DAB1: variants seen among roughly 807,000 people sequenced by gnomAD.
DAB1 encodes disabled homolog 1.
In DAB1, 15 loss-of-function variants were observed where a neutral mutation model predicts 64.6. That is an observed-to-expected ratio of 0.23 (90% CI 0.16 to 0.36). The LOEUF is 0.36. Among genes scored for constraint, DAB1 ranks in the 10% least tolerant of loss-of-function variants. DAB1 has a pLI of 1.00. For missense variants in DAB1, 596 were observed against 706.7 expected (o/e 0.84, Z 1.78); for synonymous variants, 235 against 251.9 (o/e 0.93, Z 0.64).
At chr1:57,081,839 T>C (rs1027046822) in intron 4 of DAB1, among the ~76,000 whole-genome samples, 5 of 152,160 alleles carry the variant, frequency 3.3e-5, no homozygotes, top group African/African-American at 1.2e-4. Flanking sequence ...TTTGGTTATA[T>C]ATTAAGATAA....
At chr1:57,801,803 A>T (rs1190202775) in intron 6 of DAB1, among the ~76,000 whole-genome samples, 3 of 152,054 alleles carry the variant, frequency 2.0e-5, no homozygotes, top group Non-Finnish European at 1.5e-5. Context: ...GACTACAGGC[A>T]CGTGCCACCA....
intron 1 of DAB1, chr1:57,866,184 C>G (rs560067913): frequency 6.6e-6 from 1 of 152,102 alleles, no homozygotes. Flanking sequence ...AATGCAATAA[C>G]GTATACAAAA....
chr1:57,180,765 C>T (rs1662833323), intron 2 of DAB1, among the ~76,000 whole-genome samples: 1 of 152,130 alleles, frequency 6.6e-6, no homozygotes, highest in Admixed American at 6.6e-5. Flanking sequence ...CAAAAGCTGG[C>T]CCTACTCTCT....
chr1:58,275,769 T>A (rs1400518332), intron 4 of DAB1, among the ~76,000 whole-genome samples: 1 of 152,192 alleles, frequency 6.6e-6, no homozygotes, highest in East Asian at 1.9e-4. Context: ...GTATGGTGGT[T>A]CCTCAAAAGT....
In DAB1 at chr1:58,439,388, A is replaced by G. The variant is rs568552902; in HGVS notation, n.257+66672T>C. Among the ~76,000 whole-genome samples the G allele has an allele frequency of 2.0e-5, 3 of 152,276 alleles. No homozygotes were observed. The South Asian group carries it at 6.2e-4, about 32-fold the overall frequency. The stretch of plus-strand genomic sequence containing the variant: ...TTGTTCATCTCCCTTCAGTAAAGAA[A>G]CATTTATTGGAGGAACATGCTCAAG... On this transcript the variant is annotated intron_variant and non_coding_transcript_variant, in intron 3 of 20. Coordinates refer to the DAB1 transcript ENST00000485760.
chr1:58,104,045 T>A (rs1447967889), intron 5 of DAB1, among the ~76,000 whole-genome samples: 1 of 152,214 alleles, frequency 6.6e-6, no homozygotes. Flanking sequence ...TTCTAGAAGA[T>A]ATTCCCAATA....
At chr1:57,128,299 T>TA (rs1023995797) in intron 4 of DAB1, among the ~76,000 whole-genome samples, 5 of 152,018 alleles carry the variant, frequency 3.3e-5, no homozygotes, top group South Asian at 2.1e-4. Context: ...GAACAAAGGA[T>TA]AAAAAACCAT....
At chr1:58,133,299 TTC>T (rs1653750551) in intron 5 of DAB1, among the ~76,000 whole-genome samples, 1 of 152,194 alleles carries the variant, frequency 6.6e-6, no homozygotes. Context: ...ACTTACTCTC[TTC>T]TTCACCTGGC....
intron 4 of DAB1, among the ~76,000 whole-genome samples, chr1:58,243,455 A>G (rs904604037): frequency 3.3e-5 from 5 of 152,152 alleles, no homozygotes; most frequent in African/African-American, 1.2e-4. Flanking sequence ...TTTGCTAAAT[A>G]AATGAAAAGG....
intron 6 of DAB1, among the ~76,000 whole-genome samples, chr1:57,661,448 G>C (rs1008029264): frequency 2.0e-5 from 3 of 152,176 alleles, no homozygotes; most frequent in African/African-American, 7.2e-5. Flanking sequence ...TCTTTCTCTA[G>C]AATTATTCCC....
intron 5 of DAB1, chr1:58,074,450 T>G (rs1394806993): frequency 7.2e-6 from 1 of 139,788 alleles, no homozygotes; most frequent in Non-Finnish European, 1.5e-5. Flanking sequence ...TTTCTACTAG[T>G]TGGTAAAAAA....
At chr1:57,969,336 A>G (rs1645741776) in intron 5 of DAB1, among the ~76,000 whole-genome samples, 1 of 152,056 alleles carries the variant, frequency 6.6e-6, no homozygotes, top group Non-Finnish European at 1.5e-5. Flanking sequence ...TTTAAAATTT[A>G]CTTTTATTTA....
chr1:58,388,941 T>C (rs373041180), intron 3 of DAB1, among the ~76,000 whole-genome samples: 9 of 152,294 alleles, frequency 5.9e-5, no homozygotes, highest in East Asian at 5.8e-4. Context: ...AAAATGATGA[T>C]AGCAATATCC....
At chr1:58,109,846 G>A (rs1651872921) in intron 5 of DAB1, among the ~76,000 whole-genome samples, 1 of 151,408 alleles carries the variant, frequency 6.6e-6, no homozygotes, top group African/African-American at 2.4e-5. Flanking sequence ...GGAGGTTTTG[G>A]AGATAAATAT....
At chr1:57,731,991 T>G (rs994676740) in intron 6 of DAB1, among the ~76,000 whole-genome samples, 6 of 152,166 alleles carry the variant, frequency 3.9e-5, no homozygotes, top group Admixed American at 2.6e-4. Flanking sequence ...TCTCCAGGAC[T>G]TCATGTGATT....
chr1:58,332,785 T>C (rs1216671070), intron 4 of DAB1, among the ~76,000 whole-genome samples: 2 of 152,226 alleles, frequency 1.3e-5, no homozygotes, highest in Non-Finnish European at 2.9e-5. Context: ...TAATGGCACA[T>C]GGCAGTGTTC....
chr1:57,890,843 T>A (rs2101982057), intron 5 of DAB1, among the ~76,000 whole-genome samples: 1 of 152,324 alleles, frequency 6.6e-6, no homozygotes, highest in Non-Finnish European at 1.5e-5. Context: ...TCTGGCACAA[T>A]GGACTGTATC....
chr1:57,736,884 G>A (rs963566838), intron 6 of DAB1, among the ~76,000 whole-genome samples: 1 of 152,144 alleles, frequency 6.6e-6, no homozygotes, highest in Non-Finnish European at 1.5e-5. Flanking sequence ...TGAAACAGGT[G>A]GTTCATTCAA....
intron 7 of DAB1, among the ~76,000 whole-genome samples, chr1:57,525,857 A>G (rs959408103): frequency 1.1e-4 from 16 of 152,048 alleles, no homozygotes; most frequent in Non-Finnish European, 1.5e-5. Context: ...GGACTACTAT[A>G]TTTCATTAAA....
Sources: allele counts gnomAD v4.1 joint callset (sites outside exome capture counted in the v4.1 genomes callset), GRCh38; gene constraint gnomAD v4.1.1; transcripts MANE v1.5; gene names NCBI Gene and HGNC (gene_info 2026-07-23, HGNC 2026-07-21).